The following ARID2 variants were observed in gnomAD, a reference collection of about 807,000 sequenced individuals.
ARID2 encodes the protein AT-rich interaction domain 2.
Under a neutral mutation model 184.6 loss-of-function variants are expected in ARID2, and 32 were observed. That is an observed-to-expected ratio of 0.17 (90% CI 0.13 to 0.23). The LOEUF (loss-of-function observed/expected upper bound fraction) is 0.23. Ranked by LOEUF, ARID2 falls within the 10% of genes least tolerant of loss-of-function variation. The pLI, the probability that ARID2 is intolerant of heterozygous loss-of-function variation, is 1.00. For missense variants in ARID2, 1,696 were observed against 2,197.6 expected, an observed-to-expected ratio of 0.77 and a Z score of 4.56; for synonymous variants, 836 against 772.6, an observed-to-expected ratio of 1.08 and a Z score of -1.36.
intron 3 of ARID2, among the ~76,000 whole-genome samples, chr12:45,770,825 A>G (rs1203710004): frequency 6.6e-6 from 1 of 152,206 alleles, no homozygotes; most frequent in African/African-American, 2.4e-5. Context: ...GTAGAGATCA[A>G]TCAGAGAAAA....
At chr12:45,776,833 A>G (rs1422982542) in intron 3 of ARID2, among the ~76,000 whole-genome samples, 1 of 143,566 alleles carries the variant, frequency 7.0e-6, no homozygotes, top group Non-Finnish European at 1.5e-5. Context: ...TCCAGGCTAG[A>G]GTACAGCGCC....
At chr12:45,734,232 G>C (rs1263477047) in intron 3 of ARID2, among the ~76,000 whole-genome samples, 1 of 152,174 alleles carries the variant, frequency 6.6e-6, no homozygotes, top group Non-Finnish European at 1.5e-5. Flanking sequence ...AGCCTGGCAT[G>C]GTGGCTCATG....
intron 6 of ARID2, among the ~76,000 whole-genome samples, chr12:45,835,922 A>G (rs1943213407): frequency 6.6e-6 from 1 of 151,962 alleles, no homozygotes; most frequent in African/African-American, 2.4e-5. Context: ...CAAAAACAAA[A>G]AAGAAATGTC....
chr12:45,734,515 A>G (rs1385664913), intron 3 of ARID2, among the ~76,000 whole-genome samples: 1 of 152,068 alleles, frequency 6.6e-6, no homozygotes, highest in Non-Finnish European at 1.5e-5. Flanking sequence ...GGATATTCCT[A>G]TAGTATGAAA....
In ARID2 at chr12:45,850,661, TATC is replaced by T. The variant is rs1943531064; in HGVS notation, c.2541_2543del (p.Ile848del). 3.7e-6 allele frequency: 6 copies of T among 1,614,180 alleles called. No homozygotes were observed. The highest frequency in any genetic ancestry group is 1.3e-5 in the African/African-American group (1 of 75,046). On this transcript the variant is annotated inframe_deletion, in exon 15 of 21. Transcript: ENST00000334344. ...CTGGTAGCCAGTCACAAGATACTGTTATCATAGCACCCCCACAGTATGTAACAA... is the reference window on the plus strand; with the variant it reads ...CTGGTAGCCAGTCACAAGATACTGTTATAGCACCCCCACAGTATGTAACAA...
chr12:45,878,103 C>A (rs1565635446), intron 16 of ARID2, among the ~76,000 whole-genome samples: 1 of 152,160 alleles, frequency 6.6e-6, no homozygotes, highest in African/African-American at 2.4e-5. Flanking sequence ...TTCTCCTTGT[C>A]CTTCCATCAG....
Position 45,905,124 on chromosome 12 carries a change from T to C in ARID2, c.*46T>C. The C allele has an allele frequency of 6.3e-7, 1 of 1,587,470 alleles. No individual in the cohort carries two copies. The highest frequency in any genetic ancestry group is 8.6e-7 in the Non-Finnish European group (1 of 1,164,766). On this transcript the variant is annotated 3_prime_UTR_variant, in exon 21 of 21. Coordinates refer to ENST00000334344, the MANE Select transcript of ARID2 (RefSeq NM_152641.4). ...GTGGGGGACTCAAAGTCAGCCACAT[T>C]TCACATACTGTTACTGAAGAAAGCA...
chr12:45,851,444 A>G lies in ARID2; in HGVS notation c.3321A>G (p.Ala1107=), dbSNP rs766168146. Residue 1107 remains alanine (A), a synonymous_variant, in exon 15 of 21, where the codon GCA becomes GCG. Transcript: ENST00000334344. The part of the protein sequence containing the change: ...VVYQVASNQA[A]GFGVQGQTPA... ...ATCAGGTGGCCAGTAACCAAGCCGCAGGTTTTGGAGTGCAGGGGCAAACTC... is the reference window on the plus strand; with the variant it reads ...ATCAGGTGGCCAGTAACCAAGCCGCGGGTTTTGGAGTGCAGGGGCAAACTC... The G allele has an allele frequency of 3.7e-6, 6 of 1,614,120 alleles. No individual in the cohort carries two copies. The highest frequency in any genetic ancestry group is 5.1e-6 in the Non-Finnish European group (6 of 1,179,996).
intron 3 of ARID2, among the ~76,000 whole-genome samples, chr12:45,790,786 C>A (rs1010851863): frequency 6.6e-6 from 1 of 152,168 alleles, no homozygotes; most frequent in African/African-American, 2.4e-5. Context: ...GTTGTGGTGG[C>A]AGGCATCTTT....
chr12:45,795,723 C>A (rs541715150), intron 3 of ARID2, among the ~76,000 whole-genome samples: 4 of 152,102 alleles, frequency 2.6e-5, no homozygotes, highest in East Asian at 1.9e-4. Flanking sequence ...GGCGTGAGCC[C>A]CCGCGCCTGG....
intron 3 of ARID2, among the ~76,000 whole-genome samples, chr12:45,769,361 A>G (rs1031217245): frequency 1.3e-5 from 2 of 152,234 alleles, no homozygotes; most frequent in African/African-American, 4.8e-5. Context: ...ATTAAAAAGA[A>G]CTAAGTGGGA....
intron 3 of ARID2, among the ~76,000 whole-genome samples, chr12:45,771,436 A>G (rs1016459498): frequency 1.3e-5 from 2 of 151,402 alleles, no homozygotes; most frequent in African/African-American, 4.9e-5. Flanking sequence ...AAGTTGAGGC[A>G]GGTAGATCAC....
At chr12:45,792,050 AT>A (rs1463183002) in intron 3 of ARID2, among the ~76,000 whole-genome samples, 1 of 152,106 alleles carries the variant, frequency 6.6e-6, no homozygotes, top group Non-Finnish European at 1.5e-5. Flanking sequence ...TTGATTCTCT[AT>A]ATTATATTAA....
intron 20 of ARID2, among the ~76,000 whole-genome samples, chr12:45,901,773 C>T (rs1944463668): frequency 6.6e-6 from 1 of 151,954 alleles, no homozygotes; most frequent in Non-Finnish European, 1.5e-5. Context: ...GTGATCCTCC[C>T]ACCTTAGCCT....
intron 20 of ARID2, among the ~76,000 whole-genome samples, chr12:45,895,186 G>T (rs1408621147): frequency 6.6e-6 from 1 of 152,086 alleles, no homozygotes; most frequent in Non-Finnish European, 1.5e-5. Context: ...ACAGAACTAT[G>T]TGCAGAGACT....
chr12:45,892,723 C>T (rs75896254), intron 18 of ARID2, among the ~76,000 whole-genome samples: 4,363 of 152,188 alleles, frequency 0.029, 83 homozygotes, highest in Non-Finnish European at 0.045. Context: ...ATTGCTATCT[C>T]ACCAGAGCAC....
At chr12:45,775,481 TTCTC>T (rs1941958575) in intron 3 of ARID2, among the ~76,000 whole-genome samples, 1 of 152,250 alleles carries the variant, frequency 6.6e-6, no homozygotes, top group Non-Finnish European at 1.5e-5. Context: ...TTCAAATTTT[TTCTC>T]TCTCAGAAGT....
chr12:45,890,438 AATG>A (rs774975609), intron 16 of ARID2, among the ~76,000 whole-genome samples: 2 of 152,214 alleles, frequency 1.3e-5, no homozygotes, highest in African/African-American at 4.8e-5. Context: ...TATTGCAATT[AATG>A]ATTTAATAGT....
intron 3 of ARID2, among the ~76,000 whole-genome samples, chr12:45,767,346 G>A (rs541805281): frequency 5.3e-5 from 8 of 151,416 alleles, no homozygotes; most frequent in African/African-American, 1.7e-4. Context: ...TCATTTTCTC[G>A]TGAAAAAAGG....
Sources: gnomAD v4.1 joint callset for allele counts (sites outside exome capture counted in the v4.1 genomes callset) on GRCh38, gnomAD v4.1.1 for gene constraint, MANE v1.5 for transcripts, NCBI Gene and HGNC (gene_info 2026-07-23, HGNC 2026-07-21) for gene names.